The following HACD2 variants were observed in gnomAD, a reference collection of about 807,000 sequenced individuals.
HACD2 encodes the protein 3-hydroxyacyl-CoA dehydratase 2, also known as very-long-chain (3R)-3-hydroxyacyl-CoA dehydratase 2.
A neutral mutation model predicts 31.0 loss-of-function variants in HACD2; 15 were observed. The observed-to-expected ratio is 0.48, with a 90% CI of 0.32 to 0.75. The LOEUF (loss-of-function observed/expected upper bound fraction) is 0.75. Among genes scored for constraint, HACD2 ranks in the 30% least tolerant of loss-of-function variants. HACD2 has a pLI of 0.03. For synonymous variants in HACD2, 115 were observed against 122.2 expected (o/e 0.94, Z 0.39); for missense variants, 283 against 313.0 (o/e 0.90, Z 0.72).
chr3:123,549,274 AC>A (rs2056593871), intron 3 of HACD2, among the ~76,000 whole-genome samples: 1 of 151,916 alleles, frequency 6.6e-6, no homozygotes, highest in African/African-American at 2.4e-5. Context: ...TTATTTATAG[AC>A]CCTTGACTCC....
chr3:123,574,946 T>C (rs531045367), intron 2 of HACD2, among the ~76,000 whole-genome samples: 65 of 152,332 alleles, frequency 4.3e-4, no homozygotes, highest in Admixed American at 1.2e-3. Context: ...TACATCGTTA[T>C]GTTTATCCTC....
Position 123,582,270 on chromosome 3 carries a change from CTAT to C in HACD2, c.212_214del (p.His71_Ser72delinsArg). ...AGGCTTTTCAATTGAATAATAAAGGCTATGGTAGCTACCCTTAGCCAGGTATGC... is the reference window on the plus strand; with the variant it reads ...AGGCTTTTCAATTGAATAATAAAGGCGGTAGCTACCCTTAGCCAGGTATGC... On this transcript the variant is annotated inframe_deletion, in exon 2 of 7. Coordinates refer to ENST00000383657, the MANE Select transcript of HACD2 (RefSeq NM_198402.5). The C allele has an allele frequency of 6.2e-7, 1 of 1,609,338 alleles. No homozygotes were observed.
intron 4 of HACD2, among the ~76,000 whole-genome samples, chr3:123,512,515 A>G (rs1264850757): frequency 6.6e-6 from 1 of 152,212 alleles, no homozygotes. Flanking sequence ...GTGGTGGGCT[A>G]ACACAGGTAT....
intron 2 of HACD2, among the ~76,000 whole-genome samples, chr3:123,570,657 G>A (rs182548726): frequency 1.5e-3 from 227 of 152,194 alleles, no homozygotes; most frequent in Non-Finnish European, 1.7e-3. Flanking sequence ...GGATGGGGTC[G>A]GAGGAAAGTA....
intron 3 of HACD2, among the ~76,000 whole-genome samples, chr3:123,556,432 G>A (rs778247437): frequency 2.4e-5 from 3 of 123,406 alleles, no homozygotes; most frequent in African/African-American, 4.0e-5. Flanking sequence ...GCAAGACTCC[G>A]TCTCAAAAAA....
intron 2 of HACD2, among the ~76,000 whole-genome samples, chr3:123,571,702 C>G (rs1307315575): frequency 2.0e-5 from 3 of 152,154 alleles, no homozygotes; most frequent in Admixed American, 2.0e-4. Context: ...AACTTGATTT[C>G]AATCTTATGA....
chr3:123,570,916 TTACACACACACACACACACACACACACA>T (rs2056847729), intron 2 of HACD2, among the ~76,000 whole-genome samples: 1 of 94,786 alleles, frequency 1.1e-5, no homozygotes, highest in Non-Finnish European at 1.7e-5. Context: ...TTTCATACCA[TTACACACACACACACACACACACACACA>T]TACACACACA....
intron 4 of HACD2, among the ~76,000 whole-genome samples, chr3:123,510,273 A>G (rs2056039811): frequency 6.6e-6 from 1 of 152,136 alleles, no homozygotes. Context: ...TTTGAGGTGG[A>G]GTCTCACTCT....
intron 2 of HACD2, among the ~76,000 whole-genome samples, chr3:123,581,040 T>C (rs551693997): frequency 2.0e-5 from 3 of 152,124 alleles, no homozygotes; most frequent in Admixed American, 6.5e-5. Context: ...CAGGACGGTC[T>C]CAATCTCCTG....
At chr3:123,577,586 A>G (rs2056921343) in intron 2 of HACD2, among the ~76,000 whole-genome samples, 1 of 147,562 alleles carries the variant, frequency 6.8e-6, no homozygotes, top group African/African-American at 2.6e-5. Context: ...GCGCCACTGC[A>G]CTCCAGCCTG....
chr3:123,571,261 TC>T (rs1018989863), intron 2 of HACD2, among the ~76,000 whole-genome samples: 1 of 152,224 alleles, frequency 6.6e-6, no homozygotes, highest in Non-Finnish European at 1.5e-5. Flanking sequence ...CTTAAGGCGA[TC>T]CCCCACAATT....
chr3:123,554,474 T>C (rs113793155), intron 3 of HACD2, among the ~76,000 whole-genome samples: 1 of 151,988 alleles, frequency 6.6e-6, no homozygotes, highest in African/African-American at 2.4e-5. Context: ...GAATAGCCAC[T>C]GCACTCCAGC....
At position 123,493,828 on chromosome 3, in the gene HACD2, G is replaced by T. The variant is rs1474356117; in HGVS notation, c.*1060C>A. The T allele has an allele frequency of 6.6e-6, 1 of 152,148 alleles. No homozygotes were observed. The highest frequency in any genetic ancestry group is 1.5e-5 in the Non-Finnish European group (1 of 68,036). The allele number at this position is 152,148 out of a possible 1,614,324, so 9.4% of individuals were successfully genotyped here. A position where few individuals can be genotyped will look rare whatever the true frequency, so the allele number is the denominator to read the frequency against. On this transcript the variant is annotated 3_prime_UTR_variant, in exon 7 of 7. Transcript: ENST00000383657. ...TTTACTGACTATGGACTTATAGCTTGGTGGAAATTAACATAGGAAGTTAAT... is the reference window on the plus strand; with the variant it reads ...TTTACTGACTATGGACTTATAGCTTTGTGGAAATTAACATAGGAAGTTAAT...
rs142764629 is a variant in HACD2 at position 123,573,990 on chromosome 3, C to T, written c.274-6210G>A. ...AAGGTCACCTAATCCAGTGTATTCA[C>T]TGCACATAATGAATCGAGGGCGAGA... On this transcript the variant is annotated intron_variant, in intron 2 of 6. Coordinates refer to ENST00000383657, the MANE Select transcript of HACD2 (RefSeq NM_198402.5). Among the ~76,000 whole-genome samples, 249 of 152,278 alleles carry T rather than the reference C, an allele frequency of 1.6e-3. 1 individual carries two copies. The highest frequency in any genetic ancestry group is 5.8e-3 in the African/African-American group (240 of 41,562).
intron 3 of HACD2, among the ~76,000 whole-genome samples, chr3:123,530,388 A>C (rs1576754436): frequency 6.7e-6 from 1 of 149,884 alleles, no homozygotes. Context: ...AGTAGCTGGG[A>C]CCACACGGTG....
chr3:123,547,680 G>A (rs1002452298), intron 3 of HACD2, among the ~76,000 whole-genome samples: 1 of 152,170 alleles, frequency 6.6e-6, no homozygotes, highest in Non-Finnish European at 1.5e-5. Flanking sequence ...GATGACCAGA[G>A]CCTGTATGAG....
At chr3:123,533,635 C>T (rs1022416275) in intron 3 of HACD2, among the ~76,000 whole-genome samples, 2 of 152,208 alleles carry the variant, frequency 1.3e-5, no homozygotes, top group Non-Finnish European at 2.9e-5. Flanking sequence ...TAAACTCTCA[C>T]TAGCCTAAAA....
intron 4 of HACD2, among the ~76,000 whole-genome samples, chr3:123,526,068 C>T (rs2056279509): frequency 6.6e-6 from 1 of 151,680 alleles, no homozygotes; most frequent in African/African-American, 2.4e-5. Flanking sequence ...TGAGGGGCCA[C>T]AGCAACAGCC....
At chr3:123,561,448 T>C (rs544090355) in intron 3 of HACD2, among the ~76,000 whole-genome samples, 1 of 152,270 alleles carries the variant, frequency 6.6e-6, no homozygotes, top group South Asian at 2.1e-4. Context: ...AAGCTTTAGA[T>C]ATAACTCTCT....
Sources: allele counts gnomAD v4.1 joint callset (sites outside exome capture counted in the v4.1 genomes callset), GRCh38; gene constraint gnomAD v4.1.1; transcripts MANE v1.5; gene names NCBI Gene and HGNC (gene_info 2026-07-23, HGNC 2026-07-21).